Variants in DELE1 observed in about 807,000 individuals in gnomAD.
The protein encoded by DELE1 is DAP3 binding cell death enhancer 1.
Under a neutral mutation model 59.3 loss-of-function variants are expected in DELE1, and 54 were observed. The ratio of observed to expected loss-of-function variants is 0.91; its 90% CI spans 0.73 to 1.14. The LOEUF (loss-of-function observed/expected upper bound fraction) is 1.14, where lower values mean the gene tolerates loss of function less well. DELE1 is among the 50% of genes most tolerant of loss of function. DELE1 has a pLI of 0.00. For missense variants in DELE1, 636 were observed against 643.9 expected, an observed-to-expected ratio of 0.99 and a Z score of 0.13; for synonymous variants, 264 against 259.1, an observed-to-expected ratio of 1.02 and a Z score of -0.18.
intron 3 of DELE1, among the ~76,000 whole-genome samples, chr5:141,926,553 T>C (rs528129973): frequency 6.6e-6 from 1 of 152,350 alleles, no homozygotes; most frequent in African/African-American, 2.4e-5. Flanking sequence ...CTGAATGAAG[T>C]TGACACACAC....
chr5:141,939,004 G>C lies in DELE1; in HGVS notation c.*245G>C. Reference sequence around the variant, plus strand: ...CTGTGCACCAAAGGATGCATTCAGTGACCTATGAAAAACCCTACTGAAGGG... The same window carrying C: ...CTGTGCACCAAAGGATGCATTCAGTCACCTATGAAAAACCCTACTGAAGGG... On this transcript the variant is annotated 3_prime_UTR_variant, in exon 12 of 12. Transcript: ENST00000432126. 1 of 1,327,538 alleles carries C rather than the reference G, an allele frequency of 7.5e-7. No homozygotes were observed. Among genetic ancestry groups the C allele is most frequent in the Non-Finnish European group, 9.6e-7 (1 of 1,038,966 alleles). 82.2% of individuals were successfully genotyped at this position (1,327,538 alleles called of 1,614,324 possible). A position where few individuals can be genotyped will look rare whatever the true frequency, so the allele number is the denominator to read the frequency against.
At chr5:141,930,385 C>T (rs1369230094) in intron 7 of DELE1, 111 bp downstream of exon 7, 1 of 771,866 alleles carries the variant, frequency 1.3e-6, no homozygotes, top group Non-Finnish European at 2.1e-6. Context: ...ATTTTATTTT[C>T]TCCCAGGTAG....
chr5:141,937,239 A>G lies in DELE1; in HGVS notation c.1191A>G (p.Lys397=), dbSNP rs779147826. The G allele has an allele frequency of 3.7e-6, 6 of 1,614,222 alleles. No homozygotes were observed. Among genetic ancestry groups the G allele is most frequent in the Middle Eastern group, 1.6e-4 (1 of 6,062 alleles). Residue 397 remains lysine, a synonymous_variant, in exon 11 of 12, where the codon AAA becomes AAG. Coordinates refer to ENST00000432126, the MANE Select transcript of DELE1 (RefSeq NM_014773.5). The part of the protein sequence containing the change: ...SRYHLGICYE[K]GLGVQRNLGE... ...ACCACCTTGGAATTTGCTATGAGAA[A>G]GGCCTTGGTGTGCAGAGGAATCTGG...
In DELE1 at chr5:141,937,183, C is replaced by A; in HGVS notation, c.1150-15C>A. 1 of 1,613,792 alleles carries A rather than the reference C, an allele frequency of 6.2e-7. No individual in the cohort carries two copies. Among genetic ancestry groups the A allele is most frequent in the Non-Finnish European group, 8.5e-7 (1 of 1,179,758 alleles). On this transcript the variant is annotated splice_polypyrimidine_tract_variant and intron_variant, in intron 10 of 11. Coordinates refer to ENST00000432126, the MANE Select transcript of DELE1 (RefSeq NM_014773.5). ...TGCATGTGTGTATCTGTTTGTCTGT[C>A]CATTTTCTCCTTAGGACTCACAGAG...
At chr5:141,926,461 A>C (rs910893039) in intron 3 of DELE1, among the ~76,000 whole-genome samples, 3 of 152,194 alleles carry the variant, frequency 2.0e-5, no homozygotes, top group Non-Finnish European at 4.4e-5. Context: ...TCAGATTCTT[A>C]CTAGTGAACA....
Position 141,923,879 on chromosome 5 carries a change from C to T in DELE1, c.-63C>T, listed in dbSNP as rs1260450607. The T allele has an allele frequency of 9.6e-6, 15 of 1,559,982 alleles. No individual in the cohort carries two copies. In the East Asian group the frequency reaches 2.4e-4, roughly 25 times the overall value. Reference sequence around the variant, plus strand: ...CGGGGCATCGCGGCGGCCTTTCTAGCCGCTGTCCCAAGGGTTGGTCTCGCG... The same window carrying T: ...CGGGGCATCGCGGCGGCCTTTCTAGTCGCTGTCCCAAGGGTTGGTCTCGCG... On this transcript the variant is annotated 5_prime_UTR_variant, in exon 1 of 12. Transcript: ENST00000432126.
At position 141,939,606 on chromosome 5, in the gene DELE1, C is replaced by A; in HGVS notation, c.*847C>A. On this transcript the variant is annotated 3_prime_UTR_variant, in exon 12 of 12. Coordinates refer to ENST00000432126, the MANE Select transcript of DELE1 (RefSeq NM_014773.5). ...AGCCTGTGGGTTCTCAGAGAGATATCACAATTTGAGTCCCAAAGAAGAGGC... is the reference window on the plus strand; with the variant it reads ...AGCCTGTGGGTTCTCAGAGAGATATAACAATTTGAGTCCCAAAGAAGAGGC... 2.0e-6 allele frequency: 2 copies of A among 985,846 alleles called. No homozygotes were observed. The highest frequency in any genetic ancestry group is 2.4e-6 in the Non-Finnish European group (2 of 829,950). 61.1% of individuals were successfully genotyped at this position (985,846 alleles called of 1,614,324 possible).
At chr5:141,927,662 G>T (rs983142685) in intron 3 of DELE1, among the ~76,000 whole-genome samples, 1 of 152,194 alleles carries the variant, frequency 6.6e-6, no homozygotes, top group Non-Finnish European at 1.5e-5. Flanking sequence ...TTCACTGGGG[G>T]AATGGGAGTT....
rs1179038346 is a variant in DELE1 at position 141,939,124 on chromosome 5, T to A, written c.*365T>A. 7 of 1,014,224 alleles carry A rather than the reference T, an allele frequency of 6.9e-6. No homozygotes were observed. Among genetic ancestry groups the A allele is most frequent in the Non-Finnish European group, 2.4e-6 (2 of 847,674 alleles). The allele number at this position is 1,014,224 out of a possible 1,614,324, so 62.8% of individuals were successfully genotyped here. A position where few individuals can be genotyped will look rare whatever the true frequency, so the allele number is the denominator to read the frequency against. On this transcript the variant is annotated 3_prime_UTR_variant, in exon 12 of 12. Transcript: ENST00000432126. ...CTGGGTTTTCTCACACTTAAATCTGTACTACTGTTTGCCAATGTCTGATGT... is the reference window on the plus strand; with the variant it reads ...CTGGGTTTTCTCACACTTAAATCTGAACTACTGTTTGCCAATGTCTGATGT...
intron 11 of DELE1, among the ~76,000 whole-genome samples, chr5:141,937,847 G>A (rs1389370355): frequency 6.9e-6 from 1 of 145,804 alleles, no homozygotes; most frequent in East Asian, 2.1e-4. Flanking sequence ...TTTTTGAGAT[G>A]ATGTTTCACT....
chr5:141,924,055 A>G, intron 1 of DELE1, 83 bp downstream of exon 1: 6 of 1,539,286 alleles, frequency 3.9e-6, no homozygotes, highest in Non-Finnish European at 5.3e-6. Flanking sequence ...AAACAGCCGA[A>G]GCGATCGTGG....
At position 141,941,479 on chromosome 5, in the gene DELE1, T is replaced by G; in HGVS notation, c.*2720T>G. ...TGATCCAGCCCCAGGGGGATGGGCT[T>G]CACTGGCAGAGCTGGGTACTGCTGT... On this transcript the variant is annotated 3_prime_UTR_variant, in exon 12 of 12. Coordinates refer to ENST00000432126, the MANE Select transcript of DELE1 (RefSeq NM_014773.5). 1 of 985,520 alleles carries G rather than the reference T, an allele frequency of 1.0e-6. No individual in the cohort carries two copies. The highest frequency in any genetic ancestry group is 1.2e-6 in the Non-Finnish European group (1 of 829,982). The allele number at this position is 985,520 out of a possible 1,614,324, so 61.0% of individuals were successfully genotyped here.
At chr5:141,933,925 A>C (rs1013162278) in intron 8 of DELE1, 15 of 187,474 alleles carry the variant, frequency 8.0e-5, no homozygotes, top group African/African-American at 2.2e-4. Flanking sequence ...GCCCCCCCCC[A>C]CACATATGTG....
In DELE1 at chr5:141,939,178, A is replaced by T; in HGVS notation, c.*419A>T. ...TATCCCTGGTTCACAAGAAGATTTT[A>T]GATGGTATTCAAATTAATATTTTCT... On this transcript the variant is annotated 3_prime_UTR_variant, in exon 12 of 12. Transcript: ENST00000432126. 2.3e-6 allele frequency: 2 copies of T among 868,798 alleles called. No individual in the cohort carries two copies. The highest frequency in any genetic ancestry group is 2.8e-6 in the Non-Finnish European group (2 of 723,374). The allele number at this position is 868,798 out of a possible 1,614,324, so 53.8% of individuals were successfully genotyped here. A position where few individuals can be genotyped will look rare whatever the true frequency, so the allele number is the denominator to read the frequency against.
At position 141,938,710 on chromosome 5, in the gene DELE1, C is replaced by T; in HGVS notation, c.1499C>T (p.Pro500Leu). Residue 500 changes from proline to leucine, a missense_variant, in exon 12 of 12, where the codon CCA (proline) becomes CTA (leucine). Coordinates refer to ENST00000432126, the MANE Select transcript of DELE1 (RefSeq NM_014773.5). ...GAAGCCTCCAGCAGGGCTATTCCCC[C>T]ACACCCCTACCCACTGGAAAGGAGT... ...SLEASSRAIP[P>L]HPYPLERSVV... 6.2e-7 allele frequency: 1 copy of T among 1,614,122 alleles called. No individual in the cohort carries two copies. The highest frequency in any genetic ancestry group is 8.5e-7 in the Non-Finnish European group (1 of 1,180,008).
rs757594289 is a variant in DELE1 at position 141,941,022 on chromosome 5, T to G, written c.*2263T>G. 3.8e-4 allele frequency: 374 copies of G among 985,442 alleles called. No homozygotes were observed. Among genetic ancestry groups the G allele is most frequent in the Admixed American group, 2.6e-3 (43 of 16,288 alleles). 61.0% of individuals were successfully genotyped at this position (985,442 alleles called of 1,614,324 possible). Reference sequence around the variant, plus strand: ...TAACCCAATGTTTTCTCTCACTGAATTGAGCCCAGAGCCCGTTTCCCTACA... The same window carrying G: ...TAACCCAATGTTTTCTCTCACTGAAGTGAGCCCAGAGCCCGTTTCCCTACA... On this transcript the variant is annotated 3_prime_UTR_variant, in exon 12 of 12. Coordinates refer to ENST00000432126, the MANE Select transcript of DELE1 (RefSeq NM_014773.5).
intron 4 of DELE1, 143 bp from the exon 5 acceptor site, chr5:141,929,439 G>A: frequency 1.3e-6 from 1 of 777,520 alleles, no homozygotes; most frequent in East Asian, 2.6e-5. Flanking sequence ...TAGTACAGAT[G>A]GGGTTTCACC....
In DELE1 at chr5:141,941,363, G is replaced by C. The variant is rs1752727166; in HGVS notation, c.*2604G>C. 3 of 985,612 alleles carry C rather than the reference G, an allele frequency of 3.0e-6. No homozygotes were observed. The highest frequency in any genetic ancestry group is 6.1e-5 in the Admixed American group (1 of 16,272). 61.1% of individuals were successfully genotyped at this position (985,612 alleles called of 1,614,324 possible). On this transcript the variant is annotated 3_prime_UTR_variant, in exon 12 of 12. Coordinates refer to ENST00000432126, the MANE Select transcript of DELE1 (RefSeq NM_014773.5). ...AAGCTCTCCAATTTAAAAAGGAAGGGCCTCTCCTGTGGAAAGGGAAGGATG... is the reference window on the plus strand; with the variant it reads ...AAGCTCTCCAATTTAAAAAGGAAGGCCCTCTCCTGTGGAAAGGGAAGGATG...
Position 141,929,980 on chromosome 5 carries a change from C to T in DELE1, c.572-9C>T. On this transcript the variant is annotated splice_polypyrimidine_tract_variant and intron_variant, in intron 5 of 11. Coordinates refer to ENST00000432126, the MANE Select transcript of DELE1 (RefSeq NM_014773.5). The stretch of plus-strand genomic sequence containing the variant: ...TTGCCCTGGCCGGGTGTCGGCCTTT[C>T]CCTTGCAGGTCCCGGTGATTTTGGC... 1.2e-6 allele frequency: 2 copies of T among 1,613,638 alleles called. No individual in the cohort carries two copies. The highest frequency in any genetic ancestry group is 2.2e-5 in the East Asian group (1 of 44,878).
Sources: gnomAD v4.1 joint callset for allele counts (sites outside exome capture counted in the v4.1 genomes callset) on GRCh38, gnomAD v4.1.1 for gene constraint, MANE v1.5 for transcripts, NCBI Gene and HGNC (gene_info 2026-07-23, HGNC 2026-07-21) for gene names.